The following AKAP6 variants were observed in gnomAD, a reference collection of about 807,000 sequenced individuals.
AKAP6 encodes the protein A-kinase anchoring protein 6, also known as A-kinase anchor protein 6.
Under a neutral mutation model 188.5 loss-of-function variants are expected in AKAP6, and 58 were observed. That is an observed-to-expected ratio of 0.31 (90% confidence interval 0.25 to 0.38). AKAP6 has a LOEUF of 0.38. Among genes scored for constraint, AKAP6 ranks in the 10% least tolerant of loss-of-function variants. The probability of loss-of-function intolerance (pLI) is 1.00; values close to 1 mark genes in which losing one functional copy is unlikely to be tolerated. For synonymous variants in AKAP6, 989 were observed against 998.6 expected (o/e 0.99, Z 0.18); for missense variants, 2,710 against 2,740.0 (o/e 0.99, Z 0.24).
At chr14:32,416,335 T>G (rs748186137) in intron 1 of AKAP6, among the ~76,000 whole-genome samples, 2 of 152,210 alleles carry the variant, frequency 1.3e-5, no homozygotes, top group African/African-American at 2.4e-5. Flanking sequence ...TATTGGGCAT[T>G]TGTACATCTT....
At chr14:32,663,302 G>T (rs958498968) in intron 7 of AKAP6, among the ~76,000 whole-genome samples, 7 of 151,966 alleles carry the variant, frequency 4.6e-5, no homozygotes. Flanking sequence ...AGTATCTTCA[G>T]CTCTTCCTAG....
At chr14:32,671,463 C>T (rs999733405) in intron 7 of AKAP6, among the ~76,000 whole-genome samples, 18 of 150,636 alleles carry the variant, frequency 1.2e-4, no homozygotes, top group Admixed American at 6.6e-5. Flanking sequence ...GATAGATTGG[C>T]GGCAATGGAT....
chr14:32,626,037 G>A (rs1264638515), intron 7 of AKAP6, among the ~76,000 whole-genome samples: 1 of 152,104 alleles, frequency 6.6e-6, no homozygotes, highest in Non-Finnish European at 1.5e-5. Context: ...ATACGTGGAA[G>A]CACTAACATT....
chr14:32,338,007 A>G (rs1033174507), intron 1 of AKAP6, among the ~76,000 whole-genome samples: 10 of 152,052 alleles, frequency 6.6e-5, no homozygotes, highest in African/African-American at 2.4e-4. Flanking sequence ...GCATCAGAGC[A>G]AGACCCTGGC....
intron 7 of AKAP6, among the ~76,000 whole-genome samples, chr14:32,624,870 T>G (rs564682989): frequency 2.0e-5 from 3 of 152,208 alleles, no homozygotes; most frequent in African/African-American, 7.2e-5. Context: ...TTTGAAAAAG[T>G]GTGACATTCA....
intron 4 of AKAP6, among the ~76,000 whole-genome samples, chr14:32,573,364 TA>T (rs1884577598): frequency 6.6e-6 from 1 of 152,174 alleles, no homozygotes; most frequent in Non-Finnish European, 1.5e-5. Context: ...TCCAGAGAAG[TA>T]AATTTGAATT....
intron 9 of AKAP6, among the ~76,000 whole-genome samples, chr14:32,696,585 A>G (rs1890412159): frequency 1.3e-5 from 2 of 152,208 alleles, no homozygotes; most frequent in African/African-American, 2.4e-5. Context: ...TTAGTGATAC[A>G]TAGAGCAGAC....
intron 1 of AKAP6, among the ~76,000 whole-genome samples, chr14:32,354,587 C>T (rs1887416463): frequency 6.6e-6 from 1 of 152,218 alleles, no homozygotes; most frequent in South Asian, 2.1e-4. Flanking sequence ...TATCCTATTG[C>T]TCTGGCTCTT....
intron 8 of AKAP6, among the ~76,000 whole-genome samples, chr14:32,685,044 C>A (rs1402762519): frequency 6.6e-6 from 1 of 151,544 alleles, no homozygotes; most frequent in Admixed American, 6.6e-5. Flanking sequence ...TCATTTGAGC[C>A]CAGGAGTTCA....
At chr14:32,344,980 G>A (rs1424128955) in intron 1 of AKAP6, among the ~76,000 whole-genome samples, 14 of 151,600 alleles carry the variant, frequency 9.2e-5, no homozygotes, top group Admixed American at 3.3e-4. Flanking sequence ...TAGAGAGTAC[G>A]TGTTTAGGAT....
At chr14:32,828,063 T>C (rs2034719525) in intron 13 of AKAP6, among the ~76,000 whole-genome samples, 2 of 152,196 alleles carry the variant, frequency 1.3e-5, no homozygotes, top group African/African-American at 4.8e-5. Context: ...TTTATTGCCT[T>C]TTCTACTTTA....
chr14:32,379,878 A>G (rs1566473770), intron 1 of AKAP6, among the ~76,000 whole-genome samples: 1 of 152,166 alleles, frequency 6.6e-6, no homozygotes, highest in East Asian at 1.9e-4. Flanking sequence ...TCGTGTATCA[A>G]ACCCTGTCAC....
At chr14:32,692,860 G>A (rs1387177197) in intron 8 of AKAP6, among the ~76,000 whole-genome samples, 2 of 152,044 alleles carry the variant, frequency 1.3e-5, no homozygotes, top group Non-Finnish European at 2.9e-5. Flanking sequence ...TCATTTTTAT[G>A]AGGCACCCTA....
At chr14:32,826,704 G>A (rs965177401) in intron 13 of AKAP6, among the ~76,000 whole-genome samples, 1 of 152,126 alleles carries the variant, frequency 6.6e-6, no homozygotes, top group South Asian at 2.1e-4. Context: ...ACGTAGAATT[G>A]AAATGAAATG....
In AKAP6 at chr14:32,545,918, G is replaced by A. The variant is rs762265218; in HGVS notation, c.1265G>A (p.Ser422Asn). ...ATGGTTGATCTAAAGCCTGAGATGA[G>A]CAGAAGCACCCCTTCGCTAGTAGAT... ...RQMVDLKPEM[S>N]RSTPSLVDPP... Residue 422 changes from serine (S) to asparagine (N), a missense_variant, in exon 4 of 14, where the codon AGC (serine) becomes AAC (asparagine). By Grantham distance (46) the Ser-to-Asn change is conservative. Transcript: ENST00000280979. 2 of 1,614,204 alleles carry A rather than the reference G, an allele frequency of 1.2e-6. No individual in the cohort carries two copies. The highest frequency in any genetic ancestry group is 4.5e-5 in the East Asian group (2 of 44,880).
chr14:32,361,053 CATACAT>C lies in AKAP6; in HGVS notation c.-35+31649_-35+31654del, dbSNP rs1439076205. Among the ~76,000 whole-genome samples, 9 of 111,938 alleles carry C rather than the reference CATACAT, an allele frequency of 8.0e-5. 1 individual carries two copies. In the South Asian group the frequency reaches 1.3e-3, roughly 16 times the overall value. The allele number at this position is 111,938 out of a possible 152,430, so 73.4% of individuals were successfully genotyped here. ...TGTGAGCCACTGCACAAGGCCTGAA[CATACAT>C]ATATATATATATTTGAGAAGCTTTG... On this transcript the variant is annotated intron_variant, in intron 1 of 13. Coordinates refer to ENST00000280979, the MANE Select transcript of AKAP6 (RefSeq NM_004274.5).
At chr14:32,781,798 T>C (rs989860269) in intron 12 of AKAP6, among the ~76,000 whole-genome samples, 18 of 152,192 alleles carry the variant, frequency 1.2e-4, no homozygotes, top group African/African-American at 4.1e-4. Flanking sequence ...GGAAACCCAT[T>C]TGATTATCTC....
intron 1 of AKAP6, among the ~76,000 whole-genome samples, chr14:32,397,154 G>A (rs1566481921): frequency 6.6e-6 from 1 of 152,084 alleles, no homozygotes; most frequent in Non-Finnish European, 1.5e-5. Context: ...GTTCCACAAT[G>A]GTGCTGTTGC....
At chr14:32,369,072 C>G (rs116726022) in intron 1 of AKAP6, among the ~76,000 whole-genome samples, 1 of 151,926 alleles carries the variant, frequency 6.6e-6, no homozygotes, top group Non-Finnish European at 1.5e-5. Context: ...CAGGCATAAA[C>G]TGGGCAAATC....
Sources: allele counts gnomAD v4.1 joint callset (sites outside exome capture counted in the v4.1 genomes callset), GRCh38; gene constraint gnomAD v4.1.1; transcripts MANE v1.5; gene names NCBI Gene and HGNC (gene_info 2026-07-23, HGNC 2026-07-21).